The following PCNX4 variants were observed in gnomAD, a reference collection of about 807,000 sequenced individuals.
PCNX4 encodes pecanex 4, also known as pecanex-like protein 4.
Under a neutral mutation model 107.2 loss-of-function variants are expected in PCNX4, and 103 were observed. That is an observed-to-expected ratio of 0.96 (90% confidence interval 0.82 to 1.13). The LOEUF is 1.13. Among genes scored for constraint, PCNX4 ranks in the 50% most tolerant of loss-of-function variants. The probability of loss-of-function intolerance (pLI) is 0.00; values close to 1 mark genes in which losing one functional copy is unlikely to be tolerated. For synonymous variants in PCNX4, 541 were observed against 481.7 expected (o/e 1.12, Z -1.61); for missense variants, 1,528 against 1,379.4 (o/e 1.11, Z -1.71).
At position 60,134,143 on chromosome 14, in the gene PCNX4, T is replaced by C. The variant is rs1896205311; in HGVS notation, c.3441T>C (p.Asn1147=). Residue 1147 remains asparagine, a synonymous_variant, in exon 11 of 11, where the codon AAT becomes AAC. Coordinates refer to ENST00000406854, the MANE Select transcript of PCNX4 (RefSeq NM_001330177.2). ...AAGCTCATCCACTACTTTTAAGAAA[T>C]CTTACGGTACAAGCAGCAGAACCTC... The part of the protein sequence containing the change: ...SIQAHPLLLR[N]LTVQAAEPPL... 3.1e-6 allele frequency: 5 copies of C among 1,613,712 alleles called. No homozygotes were observed. The highest frequency in any genetic ancestry group is 4.2e-6 in the Non-Finnish European group (5 of 1,179,776).
chr14:60,098,083 G>A (rs1895460450), intron 1 of PCNX4, among the ~76,000 whole-genome samples: 1 of 152,062 alleles, frequency 6.6e-6, no homozygotes, highest in African/African-American at 2.4e-5. Context: ...TATGGTTAAG[G>A]TCAGCATGAA....
chr14:60,118,203 T>C, intron 6 of PCNX4, 126 bp from the exon 7 acceptor site: 10 of 1,293,050 alleles, frequency 7.7e-6, no homozygotes, highest in Non-Finnish European at 1.0e-5. Flanking sequence ...AATCAAAGAA[T>C]AAGATTTATT....
Position 60,107,833 on chromosome 14 carries a change from C to T in PCNX4, c.195C>T (p.Gly65=), listed in dbSNP as rs2140538704. 3.1e-6 allele frequency: 5 copies of T among 1,612,740 alleles called. No homozygotes were observed. Among genetic ancestry groups the T allele is most frequent in the South Asian group, 2.2e-5 (2 of 91,086 alleles). The part of the protein sequence containing the change: ...GGVGTLLYQL[G]ILKDYYTAAL... The stretch of plus-strand genomic sequence containing the variant: ...TCGGAACACTTTTATACCAGTTAGG[C>T]ATCCTGAAAGACTATTATACAGCAG... Residue 65 remains glycine (G), a synonymous_variant, in exon 2 of 11, where the codon GGC becomes GGT. Coordinates refer to ENST00000406854, the MANE Select transcript of PCNX4 (RefSeq NM_001330177.2).
At chr14:60,114,906 T>C (rs376096692) in intron 3 of PCNX4, 27 bp downstream of exon 3, 122 of 1,576,496 alleles carry the variant, frequency 7.7e-5, no homozygotes, top group Admixed American at 1.4e-4. Flanking sequence ...ATTGATGTTA[T>C]ATGTAATATT....
chr14:60,120,046 GT>G (rs975803553), intron 7 of PCNX4, among the ~76,000 whole-genome samples: 5 of 152,168 alleles, frequency 3.3e-5, no homozygotes, highest in African/African-American at 7.2e-5. Context: ...TAGTACATGT[GT>G]TTTGGGGGGT....
chr14:60,125,246 A>G lies in PCNX4; in HGVS notation c.3075A>G (p.Ala1025=), dbSNP rs753576592. Reference sequence around the variant, plus strand: ...AACTGTTTCAACTAGCACTGAAAGCATTCAGGTAATCCATTTTGATCATAT... The same window carrying G: ...AACTGTTTCAACTAGCACTGAAAGCGTTCAGGTAATCCATTTTGATCATAT... ...KPELFQLALK[A]FRYTLKLMID... Residue 1025 remains alanine (A), a synonymous_variant, in exon 9 of 11, where the codon GCA becomes GCG. Transcript: ENST00000406854. 6.4e-7 allele frequency: 1 copy of G among 1,553,560 alleles called. No homozygotes were observed. The highest frequency in any genetic ancestry group is 8.7e-7 in the Non-Finnish European group (1 of 1,154,266).
At position 60,142,212 on chromosome 14, in the gene PCNX4, T is replaced by C. The variant is rs931976615; in HGVS notation, c.*7991T>C. ...TAGCCATATGGCAAAACTTAACAAA[T>C]TGTACACTTTAAATATATGCAGTTT... is the stretch of plus-strand genomic sequence containing the variant. On this transcript the variant is annotated 3_prime_UTR_variant, in exon 11 of 11. Transcript: ENST00000406854. This position sits in a 1 kb window ranked among gnomAD's most constrained non-coding sequence, Gnocchi z 4.7. The C allele has an allele frequency of 6.6e-6, 1 of 152,182 alleles. No homozygotes were observed. Among genetic ancestry groups the C allele is most frequent in the African/African-American group, 2.4e-5 (1 of 41,428 alleles). 9.4% of individuals were successfully genotyped at this position (152,182 alleles called of 1,614,324 possible). A position where few individuals can be genotyped will look rare whatever the true frequency, so the allele number is the denominator to read the frequency against.
intron 1 of PCNX4, among the ~76,000 whole-genome samples, chr14:60,103,545 T>TG (rs1042994964): frequency 6.6e-6 from 1 of 152,188 alleles, no homozygotes; most frequent in Non-Finnish European, 1.5e-5. Flanking sequence ...AATCACCATA[T>TG]CAGTGTTCTC....
At chr14:60,098,877 G>A (rs1392086277) in intron 1 of PCNX4, among the ~76,000 whole-genome samples, 1 of 151,750 alleles carries the variant, frequency 6.6e-6, no homozygotes, top group Non-Finnish European at 1.5e-5. Flanking sequence ...GGCGGAGGTT[G>A]CAGTGAGCCG....
chr14:60,131,966 C>G (rs956235915), intron 10 of PCNX4, among the ~76,000 whole-genome samples: 1 of 152,168 alleles, frequency 6.6e-6, no homozygotes, highest in African/African-American at 2.4e-5. Context: ...TAGCAACATT[C>G]AAAAGAATAA....
Position 60,142,464 on chromosome 14 carries a change from A to G in PCNX4, c.*8243A>G, listed in dbSNP as rs976673318. On this transcript the variant is annotated 3_prime_UTR_variant, in exon 11 of 11. Coordinates refer to ENST00000406854, the MANE Select transcript of PCNX4 (RefSeq NM_001330177.2). The surrounding 1 kb of genome is among the most constrained non-coding windows in gnomAD (Gnocchi z 4.7). ...TCAGCTTTGGAGTAATGAACACACC[A>G]TTTTCTTCCTACTTAAAAGTCCACT... 1.5e-5 allele frequency: 2 copies of G among 137,812 alleles called. No individual in the cohort carries two copies. The highest frequency in any genetic ancestry group is 3.0e-5 in the Non-Finnish European group (2 of 66,484). 8.5% of individuals were successfully genotyped at this position (137,812 alleles called of 1,614,324 possible).
chr14:60,113,871 T>C (rs992816891), intron 2 of PCNX4, among the ~76,000 whole-genome samples: 4 of 152,228 alleles, frequency 2.6e-5, no homozygotes, highest in African/African-American at 9.6e-5. Flanking sequence ...ATGTTTGTAC[T>C]CTGTGCTTTA....
intron 10 of PCNX4, 100 bp downstream of exon 10, chr14:60,125,923 G>C (rs1265039197): frequency 3.9e-6 from 3 of 771,694 alleles, no homozygotes; most frequent in Admixed American, 4.0e-5. Context: ...TAACGTTATA[G>C]CTGTGATATA....
rs1354475609 is a variant in PCNX4 at position 60,141,181 on chromosome 14, A to G, written c.*6960A>G. On this transcript the variant is annotated 3_prime_UTR_variant, in exon 11 of 11. Transcript: ENST00000406854. ...CATCCCAGGGAATACCTAGGAAGATAGCATATTAGAAATGAGGAAAGGTCT... is the reference window on the plus strand; with the variant it reads ...CATCCCAGGGAATACCTAGGAAGATGGCATATTAGAAATGAGGAAAGGTCT... 1.3e-5 allele frequency: 2 copies of G among 152,226 alleles called. No individual in the cohort carries two copies. Among genetic ancestry groups the G allele is most frequent in the African/African-American group, 4.8e-5 (2 of 41,452 alleles). The allele number at this position is 152,226 out of a possible 1,614,324, so 9.4% of individuals were successfully genotyped here. A position where few individuals can be genotyped will look rare whatever the true frequency, so the allele number is the denominator to read the frequency against.
chr14:60,139,108 T>C lies in PCNX4; in HGVS notation c.*4887T>C, dbSNP rs1896275539. Reference sequence around the variant, plus strand: ...GACAAATAGAAATCAAACAGTAGATTAGGAGGTTTAAATATCAGTTACAAC... The same window carrying C: ...GACAAATAGAAATCAAACAGTAGATCAGGAGGTTTAAATATCAGTTACAAC... On this transcript the variant is annotated 3_prime_UTR_variant, in exon 11 of 11. Coordinates refer to ENST00000406854, the MANE Select transcript of PCNX4 (RefSeq NM_001330177.2). 6.6e-6 allele frequency: 1 copy of C among 151,902 alleles called. No individual in the cohort carries two copies. The highest frequency in any genetic ancestry group is 2.1e-4 in the South Asian group (1 of 4,820). 9.4% of individuals were successfully genotyped at this position (151,902 alleles called of 1,614,324 possible).
At position 60,146,636 on chromosome 14, in the gene PCNX4, G is replaced by A. The variant is rs371183393; in HGVS notation, c.*12415G>A. On this transcript the variant is annotated 3_prime_UTR_variant, in exon 11 of 11. Transcript: ENST00000406854. The surrounding 1 kb of genome is among the most constrained non-coding windows in gnomAD (Gnocchi z 4.9). ...TAGCCAAGATATGGAAACAACCTAAGTGTCCATTAGTGAATGAATGGATAA... is the reference window on the plus strand; with the variant it reads ...TAGCCAAGATATGGAAACAACCTAAATGTCCATTAGTGAATGAATGGATAA... The A allele has an allele frequency of 1.5e-4, 23 of 151,908 alleles. No homozygotes were observed. The highest frequency in any genetic ancestry group is 4.8e-4 in the African/African-American group (20 of 41,342). The allele number at this position is 151,908 out of a possible 1,614,324, so 9.4% of individuals were successfully genotyped here.
intron 1 of PCNX4, among the ~76,000 whole-genome samples, chr14:60,098,642 A>T (rs1895472017): frequency 6.6e-6 from 1 of 152,150 alleles, no homozygotes; most frequent in African/African-American, 2.4e-5. Flanking sequence ...TTCTGTTTAA[A>T]CATCAAAAGT....
intron 10 of PCNX4, among the ~76,000 whole-genome samples, chr14:60,129,986 A>G (rs1896125668): frequency 6.6e-6 from 1 of 152,228 alleles, no homozygotes; most frequent in Non-Finnish European, 1.5e-5. Flanking sequence ...ATGACAGGCA[A>G]AATTCAGCTA....
rs1346073979 is a variant in PCNX4, at chr14:60,143,042, A to G, written c.*8821A>G. ...ATTTTAATTTATATATACCTCTTCT[A>G]CCATTCATTGGCTGGAGTAGTTGAA... On this transcript the variant is annotated 3_prime_UTR_variant, in exon 11 of 11. Coordinates refer to ENST00000406854, the MANE Select transcript of PCNX4 (RefSeq NM_001330177.2). 6.6e-6 allele frequency: 1 copy of G among 152,240 alleles called. No homozygotes were observed. The highest frequency in any genetic ancestry group is 1.9e-4 in the East Asian group (1 of 5,204). The allele number at this position is 152,240 out of a possible 1,614,324, so 9.4% of individuals were successfully genotyped here.
Sources: allele counts gnomAD v4.1 joint callset (sites outside exome capture counted in the v4.1 genomes callset), GRCh38; gene constraint gnomAD v4.1.1; non-coding constraint Gnocchi (gnomAD v3.1); transcripts MANE v1.5; gene names NCBI Gene and HGNC (gene_info 2026-07-23, HGNC 2026-07-21).